CMSS1: variants seen among roughly 807,000 people sequenced by gnomAD.
CMSS1 encodes protein CMSS1.
In CMSS1, 33 loss-of-function variants were observed where a neutral mutation model predicts 43.5. That is an observed-to-expected ratio of 0.76 (90% CI 0.57 to 1.01). The LOEUF is 1.01. CMSS1 is among the 50% of genes least tolerant of loss of function. The probability of loss-of-function intolerance (pLI) is 0.00; values close to 1 mark genes in which losing one functional copy is unlikely to be tolerated. For missense variants in CMSS1, 313 were observed against 326.4 expected, an observed-to-expected ratio of 0.96 and a Z score of 0.32; for synonymous variants, 115 against 117.2, an observed-to-expected ratio of 0.98 and a Z score of 0.12.
intron 1 of CMSS1, among the ~76,000 whole-genome samples, chr3:99,911,035 G>T (rs1311992501): frequency 6.6e-6 from 1 of 152,026 alleles, no homozygotes; most frequent in African/African-American, 2.4e-5. Context: ...ATATCTCATT[G>T]CCGTTTGTTC....
intron 1 of CMSS1, among the ~76,000 whole-genome samples, chr3:100,116,968 A>C (rs2066575816): frequency 6.6e-6 from 1 of 152,242 alleles, no homozygotes; most frequent in Admixed American, 6.5e-5. Flanking sequence ...TCTATACCAT[A>C]AAGTATCTGT....
At chr3:99,916,767 T>C (rs1706967632) in intron 1 of CMSS1, among the ~76,000 whole-genome samples, 1 of 152,144 alleles carries the variant, frequency 6.6e-6, no homozygotes, top group Non-Finnish European at 1.5e-5. Context: ...GTCTATGCTT[T>C]TAACTCTGAT....
chr3:99,856,658 C>A lies in CMSS1; in HGVS notation c.64+38615C>A, dbSNP rs567238054. On this transcript the variant is annotated intron_variant, in intron 1 of 9. Coordinates refer to ENST00000421999, the MANE Select transcript of CMSS1 (RefSeq NM_032359.4). Reference sequence around the variant, plus strand: ...ACTATTATTATGTACAATACCAGTTCCTTATTTTTTCAAAAACATCACATC... The same window carrying A: ...ACTATTATTATGTACAATACCAGTTACTTATTTTTTCAAAAACATCACATC... 6.6e-5 allele frequency among the ~76,000 whole-genome samples: 10 copies of A among 152,278 alleles called. No homozygotes were observed. In the South Asian group the frequency reaches 1.7e-3, roughly 25 times the overall value.
intron 1 of CMSS1, among the ~76,000 whole-genome samples, chr3:100,093,898 A>C (rs534080264): frequency 1.3e-5 from 2 of 152,142 alleles, no homozygotes; most frequent in Non-Finnish European, 2.9e-5. Context: ...TTTTTTGGCT[A>C]TTACAAATAA....
At chr3:99,930,355 T>A (rs963863624) in intron 1 of CMSS1, among the ~76,000 whole-genome samples, 2 of 152,200 alleles carry the variant, frequency 1.3e-5, no homozygotes, top group Admixed American at 1.3e-4. Context: ...TTCTCCTATA[T>A]GTGTACCAGC....
chr3:99,980,840 CA>C (rs1709100326), intron 1 of CMSS1, among the ~76,000 whole-genome samples: 1 of 152,096 alleles, frequency 6.6e-6, no homozygotes, highest in African/African-American at 2.4e-5. Flanking sequence ...AGAGGCAGAA[CA>C]GGACAAGGAG....
intron 1 of CMSS1, among the ~76,000 whole-genome samples, chr3:100,065,508 A>G (rs1188325129): frequency 1.3e-5 from 2 of 152,190 alleles, no homozygotes; most frequent in African/African-American, 4.8e-5. Context: ...TGGCTGCCTC[A>G]TCCTAGAAAC....
chr3:99,856,302 A>G (rs577841629), intron 1 of CMSS1, among the ~76,000 whole-genome samples: 16 of 152,380 alleles, frequency 1.1e-4, no homozygotes, highest in Admixed American at 9.8e-4. Context: ...CACAAAGAGT[A>G]TAGGTATGAA....
intron 2 of CMSS1, among the ~76,000 whole-genome samples, chr3:100,155,667 A>G (rs2066965035): frequency 1.3e-5 from 2 of 152,132 alleles, no homozygotes; most frequent in African/African-American, 4.8e-5. Context: ...ATATTCTGAA[A>G]TACAGCCTTC....
chr3:99,917,749 A>G (rs560291767), intron 1 of CMSS1, among the ~76,000 whole-genome samples: 3 of 152,342 alleles, frequency 2.0e-5, no homozygotes, highest in African/African-American at 7.2e-5. Context: ...GCAGTAGGGT[A>G]TACCGAAATC....
chr3:99,963,847 A>G (rs1450424914), intron 1 of CMSS1, among the ~76,000 whole-genome samples: 1 of 151,836 alleles, frequency 6.6e-6, no homozygotes, highest in Non-Finnish European at 1.5e-5. Context: ...TGAACTCCTC[A>G]TCTTGTGATC....
intron 1 of CMSS1, among the ~76,000 whole-genome samples, chr3:99,961,474 A>G (rs1235809937): frequency 6.6e-6 from 1 of 152,096 alleles, no homozygotes; most frequent in Non-Finnish European, 1.5e-5. Flanking sequence ...CAGAATCTTA[A>G]CTTTGCAAGG....
intron 2 of CMSS1, among the ~76,000 whole-genome samples, chr3:100,152,963 G>C (rs967999455): frequency 6.6e-6 from 1 of 152,128 alleles, no homozygotes; most frequent in African/African-American, 2.4e-5. Flanking sequence ...TGCAAAATCA[G>C]TACACTCACT....
intron 1 of CMSS1, among the ~76,000 whole-genome samples, chr3:99,999,964 C>G (rs1709795384): frequency 6.6e-6 from 1 of 152,150 alleles, no homozygotes; most frequent in African/African-American, 2.4e-5. Context: ...GACTCTAGAA[C>G]AGTGATTCTC....
At chr3:99,984,986 A>G (rs1469391775) in intron 1 of CMSS1, among the ~76,000 whole-genome samples, 2 of 152,210 alleles carry the variant, frequency 1.3e-5, no homozygotes, top group East Asian at 3.8e-4. Flanking sequence ...GAAATGAGAT[A>G]ACTCGTGTTA....
At chr3:100,088,415 T>A (rs2107425096) in intron 1 of CMSS1, among the ~76,000 whole-genome samples, 1 of 152,350 alleles carries the variant, frequency 6.6e-6, no homozygotes, top group Middle Eastern at 3.4e-3. Flanking sequence ...AGAGGAAATA[T>A]ATGAAGATAT....
At position 99,892,695 on chromosome 3, in the gene CMSS1, C is replaced by T. The variant is rs116208662; in HGVS notation, c.64+74652C>T. Among the ~76,000 whole-genome samples the T allele has an allele frequency of 3.5e-3, 533 of 152,230 alleles. 5 individuals are homozygous for T. The highest frequency in any genetic ancestry group is 0.012 in the African/African-American group (487 of 41,552). On this transcript the variant is annotated intron_variant, in intron 1 of 9. Coordinates refer to ENST00000421999, the MANE Select transcript of CMSS1 (RefSeq NM_032359.4). ...CTCTTTAGGAGCCAGTAAGCCTTTC[C>T]CATAACTCTCCCCCAATTCCTTACT...
chr3:100,115,557 T>TTCTCTCTCTC (rs1444990340), intron 1 of CMSS1, among the ~76,000 whole-genome samples: 2 of 75,256 alleles, frequency 2.7e-5, no homozygotes, highest in East Asian at 3.5e-4. Flanking sequence ...CTCTTTCTCT[T>TTCTCTCTCTC]TCTCTCTCTC....
chr3:100,163,049 T>G (rs953091393), intron 4 of CMSS1, among the ~76,000 whole-genome samples: 1 of 152,234 alleles, frequency 6.6e-6, no homozygotes, highest in African/African-American at 2.4e-5. Flanking sequence ...TCAAATAGTT[T>G]TAACTGATAG....
Sources: gnomAD v4.1 joint callset for allele counts (sites outside exome capture counted in the v4.1 genomes callset) on GRCh38, gnomAD v4.1.1 for gene constraint, MANE v1.5 for transcripts, NCBI Gene and HGNC (gene_info 2026-07-23, HGNC 2026-07-21) for gene names.